Variants in DCAF8L2 observed in about 807,000 individuals in gnomAD.
The protein encoded by DCAF8L2 is DDB1- and CUL4-associated factor 8-like protein 2.
For missense variants in DCAF8L2, 430 were observed against 490.7 expected (o/e 0.88, Z 1.17); for synonymous variants, 200 against 190.9 (o/e 1.05, Z -0.39).
intron 4 of DCAF8L2, among the ~76,000 whole-genome samples, chrX:27,737,493 A>G (rs184607189): frequency 3.2e-3 from 352 of 111,613 alleles, no homozygotes; most frequent in African/African-American, 0.011. Flanking sequence ...AGGGCCCAGA[A>G]GAAAATTCAC....
chrX:27,542,822 A>G, the DCAF8L2 span, among the ~76,000 whole-genome samples: 4 of 110,299 alleles, frequency 3.6e-5, no homozygotes, highest in African/African-American at 1.3e-4. Flanking sequence ...CCTACTTTTT[A>G]ATGGGGTTAT....
the DCAF8L2 span, among the ~76,000 whole-genome samples, chrX:27,525,885 C>T: frequency 9.7e-4 from 109 of 111,965 alleles, no homozygotes; most frequent in African/African-American, 3.4e-3. Context: ...GAGTTTCTGC[C>T]GAGAAATCAG....
the DCAF8L2 span, among the ~76,000 whole-genome samples, chrX:27,559,458 A>G: frequency 2.1e-4 from 23 of 112,095 alleles, no homozygotes; most frequent in African/African-American, 7.1e-4. Context: ...CTTGCCACCA[A>G]CAAGTTGCTT....
chrX:27,726,959 C>T (rs899088908), intron 4 of DCAF8L2, among the ~76,000 whole-genome samples: 12 of 111,593 alleles, frequency 1.1e-4, no homozygotes, highest in African/African-American at 3.9e-4. Context: ...AGGGGATCTG[C>T]ATATCTGCAA....
intron 2 of DCAF8L2, among the ~76,000 whole-genome samples, chrX:27,668,772 G>A (rs1929832393): frequency 9.0e-6 from 1 of 111,171 alleles, no homozygotes. Context: ...GGCCAACATG[G>A]CGAAACCCCG....
the DCAF8L2 span, among the ~76,000 whole-genome samples, chrX:27,560,284 A>T: frequency 1.0e-5 from 1 of 100,415 alleles, no homozygotes; most frequent in Non-Finnish European, 2.0e-5. Context: ...AAAAAAAAAA[A>T]GATGACAAGG....
chrX:27,657,559 G>T (rs779816005), intron 2 of DCAF8L2, among the ~76,000 whole-genome samples: 132 of 111,695 alleles, frequency 1.2e-3, no homozygotes, highest in African/African-American at 4.0e-3. Flanking sequence ...ATTTAGTAAA[G>T]AGATTATAAA....
At chrX:27,644,323 A>G (rs1329706034) in intron 2 of DCAF8L2, among the ~76,000 whole-genome samples, 2 of 112,181 alleles carry the variant, frequency 1.8e-5, no homozygotes, top group Admixed American at 1.9e-4. Flanking sequence ...ACAGTTTTCA[A>G]TGATCACTTT....
At chrX:27,709,321 C>T (rs1003995526) in intron 3 of DCAF8L2, among the ~76,000 whole-genome samples, 4 of 112,509 alleles carry the variant, frequency 3.6e-5, no homozygotes, top group African/African-American at 6.5e-5. Flanking sequence ...TTGTATTTTC[C>T]GTACATTTTG....
At chrX:27,707,222 G>C (rs1416106082) in intron 3 of DCAF8L2, among the ~76,000 whole-genome samples, 1 of 111,261 alleles carries the variant, frequency 9.0e-6, no homozygotes. Flanking sequence ...ACAACTCTGT[G>C]AATATACTAA....
chrX:27,708,697 C>A (rs1401081064), intron 3 of DCAF8L2, among the ~76,000 whole-genome samples: 1 of 112,192 alleles, frequency 8.9e-6, no homozygotes, highest in Admixed American at 9.4e-5. Context: ...GGCATTGCTA[C>A]AGAAGAATTT....
chrX:27,728,952 A>G (rs2070229963), intron 4 of DCAF8L2, among the ~76,000 whole-genome samples: 1 of 111,975 alleles, frequency 8.9e-6, no homozygotes. Flanking sequence ...ACTGCCTGAC[A>G]TTTAGTAAGG....
At chrX:27,494,617 G>A in the DCAF8L2 span, among the ~76,000 whole-genome samples, 1 of 111,559 alleles carries the variant, frequency 9.0e-6, no homozygotes, top group South Asian at 3.7e-4. Flanking sequence ...CTAAGAGTAT[G>A]TGCATGTGTG....
intron 2 of DCAF8L2, among the ~76,000 whole-genome samples, chrX:27,675,040 C>A (rs1930093988): frequency 9.0e-6 from 1 of 111,476 alleles, no homozygotes; most frequent in African/African-American, 3.3e-5. Context: ...CTTTCTTGTT[C>A]CAAGTAATTT....
At chrX:27,625,635 TAAAGAA>T (rs1025920357) in intron 1 of DCAF8L2, among the ~76,000 whole-genome samples, 1 of 112,037 alleles carries the variant, frequency 8.9e-6, no homozygotes, top group Non-Finnish European at 1.9e-5. Context: ...GTAGACTGGA[TAAAGAA>T]AATGTGGTAC....
At chrX:27,519,709 G>A in the DCAF8L2 span, 1 of 576,311 alleles carries the variant, frequency 1.7e-6, no homozygotes, top group Non-Finnish European at 3.2e-6. Context: ...AAATGCGCGT[G>A]TTAAGAAGCA....
intron 1 of DCAF8L2, among the ~76,000 whole-genome samples, chrX:27,606,341 TTATATATATATCTAGGA>T (rs1414491924): frequency 1.6e-4 from 7 of 43,011 alleles, no homozygotes; most frequent in Admixed American, 5.6e-4. Context: ...TATATAGGAA[TTATATATATATCTAGGA>T]ATATATATAT....
At chrX:27,576,902 G>C in the DCAF8L2 span, among the ~76,000 whole-genome samples, 2 of 111,769 alleles carry the variant, frequency 1.8e-5, no homozygotes, top group Non-Finnish European at 3.8e-5. Context: ...TGAATATTAT[G>C]TCAGAGCTCT....
chrX:27,673,712 TATAC>T (rs1397620988), intron 2 of DCAF8L2, among the ~76,000 whole-genome samples: 1 of 108,503 alleles, frequency 9.2e-6, no homozygotes, highest in East Asian at 2.9e-4. Context: ...TATATATATA[TATAC>T]ACACACACAT....
Sources: gnomAD v4.1 joint callset for allele counts (sites outside exome capture counted in the v4.1 genomes callset) on GRCh38, gnomAD v4.1.1 for gene constraint, MANE v1.5 for transcripts, NCBI Gene and HGNC (gene_info 2026-07-23, HGNC 2026-07-21) for gene names.